The following CAST variants were observed in gnomAD, a reference collection of about 807,000 sequenced individuals.
CAST encodes the protein calpastatin.
Under a neutral mutation model 119.6 loss-of-function variants are expected in CAST, and 76 were observed. The ratio of observed to expected loss-of-function variants is 0.64; its 90% CI spans 0.53 to 0.77. The LOEUF (loss-of-function observed/expected upper bound fraction) is 0.77, where lower values mean the gene tolerates loss of function less well. CAST is among the 30% of genes least tolerant of loss of function. The pLI is 0.00. For missense variants in CAST, 953 were observed against 946.5 expected, an observed-to-expected ratio of 1.01 and a Z score of -0.09; for synonymous variants, 319 against 331.6, an observed-to-expected ratio of 0.96 and a Z score of 0.41.
the CAST span, among the ~76,000 whole-genome samples, chr5:96,105,979 C>G: frequency 3.5e-3 from 532 of 152,218 alleles, 2 homozygotes; most frequent in African/African-American, 4.5e-3. Context: ...TGTATGTGTC[C>G]AGGAATTTAT....
chr5:96,387,104 G>A, the CAST span, among the ~76,000 whole-genome samples: 1 of 152,216 alleles, frequency 6.6e-6, no homozygotes, highest in Non-Finnish European at 1.5e-5. Context: ...CCAGAAAGGT[G>A]AGGTAACCCG....
At chr5:95,982,851 T>A in the CAST span, among the ~76,000 whole-genome samples, 3 of 152,222 alleles carry the variant, frequency 2.0e-5, no homozygotes, top group African/African-American at 4.8e-5. Context: ...TTTTAAGTTT[T>A]AAAAAATTAA....
chr5:96,112,488 A>C, the CAST span, among the ~76,000 whole-genome samples: 3 of 152,204 alleles, frequency 2.0e-5, no homozygotes, highest in Admixed American at 6.5e-5. Context: ...ACTGTATTTG[A>C]CTTATTTAAA....
At chr5:96,443,620 C>T in the CAST span, among the ~76,000 whole-genome samples, 21 of 152,274 alleles carry the variant, frequency 1.4e-4, no homozygotes, top group African/African-American at 4.6e-4. Flanking sequence ...CAGTGGTTAT[C>T]GATTATTGCT....
At chr5:96,598,732 C>T (rs1747095662) in intron 1 of CAST, among the ~76,000 whole-genome samples, 1 of 152,150 alleles carries the variant, frequency 6.6e-6, no homozygotes, top group Non-Finnish European at 1.5e-5. Flanking sequence ...GTGAGATTAA[C>T]ATTTGAATCA....
In CAST at chr5:96,713,713, C is replaced by A. The variant is rs150698761; in HGVS notation, c.211-8926C>A. ...CTCAGGCTGGGCATGGTGGCTCACA[C>A]CTGTAATCCCAGCACTTCGGGGAGG... On this transcript the variant is annotated intron_variant, in intron 3 of 31. Transcript: ENST00000675179. 4.5e-4 allele frequency among the ~76,000 whole-genome samples: 69 copies of A among 152,246 alleles called. 2 individuals carry two copies. In the East Asian group the frequency reaches 0.012, roughly 27 times the overall value.
the CAST span, among the ~76,000 whole-genome samples, chr5:96,175,577 G>T: frequency 6.6e-6 from 1 of 152,136 alleles, no homozygotes; most frequent in Non-Finnish European, 1.5e-5. Context: ...CAGGGCAATG[G>T]GCTATAAATT....
At position 96,729,102 on chromosome 5, in the gene CAST, A is replaced by G. The variant is rs80028536; in HGVS notation, c.379-51A>G. ...TTTGTTCTTGTTCTTGTTTGAAAGT[A>G]TTACAAGTTGGATTCCAGTGTAATC... On this transcript the variant is annotated intron_variant, in intron 6 of 31. Coordinates refer to ENST00000675179, the MANE Select transcript of CAST (RefSeq NM_001750.7). The G allele has an allele frequency of 1.7e-4, 182 of 1,097,922 alleles. No individual in the cohort carries two copies. In the African/African-American group the frequency reaches 2.8e-3, roughly 17 times the overall value. 68.0% of individuals were successfully genotyped at this position (1,097,922 alleles called of 1,614,324 possible). A position where few individuals can be genotyped will look rare whatever the true frequency, so the allele number is the denominator to read the frequency against.
the CAST span, among the ~76,000 whole-genome samples, chr5:96,168,732 G>A: frequency 1.3e-5 from 2 of 152,154 alleles, no homozygotes. Context: ...AGTCATGGGG[G>A]TCAGGTGTGG....
chr5:96,494,117 G>C, the CAST span, among the ~76,000 whole-genome samples: 1 of 152,158 alleles, frequency 6.6e-6, no homozygotes, highest in Non-Finnish European at 1.5e-5. Context: ...GAGAAGAGTT[G>C]GGGATAGCCC....
At chr5:96,750,453 A>G in intron 19 of CAST, 134 bp from the exon 20 acceptor site, 1 of 485,328 alleles carries the variant, frequency 2.1e-6, no homozygotes, top group South Asian at 2.8e-5. Flanking sequence ...TTTACTATTT[A>G]GCAATCCTTA....
chr5:96,036,235 G>A, the CAST span, among the ~76,000 whole-genome samples: 1 of 152,018 alleles, frequency 6.6e-6, no homozygotes, highest in South Asian at 2.1e-4. Context: ...GACCTTGAGA[G>A]AGGTGGGAGT....
At chr5:96,120,531 A>G in the CAST span, among the ~76,000 whole-genome samples, 2 of 151,578 alleles carry the variant, frequency 1.3e-5, no homozygotes, top group African/African-American at 4.8e-5. Flanking sequence ...ATATAATCAG[A>G]GAGCTCTAAC....
chr5:96,343,880 T>A, the CAST span, among the ~76,000 whole-genome samples: 1 of 152,222 alleles, frequency 6.6e-6, no homozygotes, highest in African/African-American at 2.4e-5. Context: ...GATTCACTAA[T>A]TAACTCTAAA....
the CAST span, among the ~76,000 whole-genome samples, chr5:96,356,023 G>A: frequency 6.6e-6 from 1 of 152,036 alleles, no homozygotes; most frequent in African/African-American, 2.4e-5. Context: ...TTTAATGATC[G>A]CCATTCTAAC....
At chr5:96,389,115 G>T in the CAST span, among the ~76,000 whole-genome samples, 4 of 152,026 alleles carry the variant, frequency 2.6e-5, no homozygotes, top group South Asian at 8.3e-4. Context: ...GGGGAAATGG[G>T]GAGATATAGG....
the CAST span, among the ~76,000 whole-genome samples, chr5:96,408,041 G>A: frequency 6.6e-6 from 1 of 152,226 alleles, no homozygotes; most frequent in Non-Finnish European, 1.5e-5. Context: ...AGATGTGTGT[G>A]TATTAAATCT....
the CAST span, among the ~76,000 whole-genome samples, chr5:96,492,112 T>A: frequency 6.6e-6 from 1 of 152,256 alleles, no homozygotes; most frequent in East Asian, 1.9e-4. Flanking sequence ...TACATTTTAT[T>A]TGTGTATTTG....
the CAST span, among the ~76,000 whole-genome samples, chr5:96,332,835 TA>T: frequency 6.6e-6 from 1 of 152,280 alleles, no homozygotes; most frequent in South Asian, 2.1e-4. Flanking sequence ...AAAGGTATCC[TA>T]ACAGCCTTTT....
Sources: gnomAD v4.1 joint callset for allele counts (sites outside exome capture counted in the v4.1 genomes callset) on GRCh38, gnomAD v4.1.1 for gene constraint, MANE v1.5 for transcripts, NCBI Gene and HGNC (gene_info 2026-07-23, HGNC 2026-07-21) for gene names.